The following RGS6 variants were observed in gnomAD, a reference collection of about 807,000 sequenced individuals.
RGS6 encodes the protein regulator of G-protein signaling 6.
RGS6 carries 30 observed loss-of-function variants against 78.5 expected under a neutral mutation model. The ratio of observed to expected loss-of-function variants is 0.38; its 90% CI spans 0.29 to 0.52. RGS6 has a LOEUF of 0.52. Among genes scored for constraint, RGS6 ranks in the 20% least tolerant of loss-of-function variants. The pLI is 0.85. For synonymous variants in RGS6, 206 were observed against 206.0 expected (o/e 1.00, Z 0.00); for missense variants, 495 against 609.7 (o/e 0.81, Z 1.98).
At chr14:72,341,872 G>C (rs1322626456) in intron 2 of RGS6, among the ~76,000 whole-genome samples, 1 of 151,922 alleles carries the variant, frequency 6.6e-6, no homozygotes, top group East Asian at 1.9e-4. Context: ...CTAGAGTCCA[G>C]GGTGTCCTTG....
At chr14:72,628,182 C>T in the RGS6 span, among the ~76,000 whole-genome samples, 2 of 152,106 alleles carry the variant, frequency 1.3e-5, no homozygotes, top group Admixed American at 1.3e-4. Context: ...GCATCCTCCC[C>T]TGGTTCCTAA....
intron 2 of RGS6, among the ~76,000 whole-genome samples, chr14:72,283,189 G>A (rs963615902): frequency 1.3e-5 from 2 of 152,164 alleles, no homozygotes; most frequent in African/African-American, 2.4e-5. Flanking sequence ...GAGACACTTA[G>A]GTTGTTTCTA....
At chr14:72,409,645 G>A (rs1202654127) in intron 3 of RGS6, among the ~76,000 whole-genome samples, 1 of 152,022 alleles carries the variant, frequency 6.6e-6, no homozygotes, top group Admixed American at 6.6e-5. Context: ...ACATGGCCAT[G>A]TTGGTGTGCT....
intron 2 of RGS6, among the ~76,000 whole-genome samples, chr14:72,052,926 TTTC>T (rs1318417498): frequency 4.0e-4 from 5 of 12,458 alleles, no homozygotes; most frequent in Non-Finnish European, 8.1e-4. Flanking sequence ...TCATTGTATT[TTTC>T]TTTCTTTCTT....
Position 72,540,059 on chromosome 14 carries a change from C to G in RGS6, c.1387C>G (p.Arg463Gly), listed in dbSNP as rs1478594532. Residue 463 changes from arginine to glycine, a missense_variant, in exon 17 of 18, where the codon CGT (arginine) becomes GGT (glycine). Coordinates refer to ENST00000553525, the MANE Select transcript of RGS6 (RefSeq NM_001204424.2). ...AKKKPESEQG[R>G]RTSLEKFTRS... is the part of the protein sequence containing the mutation. ...CCTAAAGCCAGAAAGTGAGCAAGGT[C>G]GTAGAACTTCCCTAGAAAAGTTCAC... is the stretch of plus-strand genomic sequence containing the variant. 2 of 1,584,598 alleles carry G rather than the reference C, an allele frequency of 1.3e-6. No homozygotes were observed.
At chr14:72,536,139 C>G (rs1258482373) in intron 15 of RGS6, 47 bp from the exon 16 acceptor site, 1 of 1,379,342 alleles carries the variant, frequency 7.2e-7, no homozygotes, top group Admixed American at 1.7e-5. Flanking sequence ...TTCTTTAGCA[C>G]TGGTTGACAG....
upstream of RGS6, among the ~76,000 whole-genome samples, chr14:71,928,540 A>G (rs2087752109): frequency 2.0e-5 from 3 of 152,198 alleles, no homozygotes; most frequent in Admixed American, 2.0e-4. Flanking sequence ...TCGACGCAAT[A>G]GTTTTCTACC....
rs847363 is a variant in RGS6, at chr14:72,301,846, A to G, written c.85-50249A>G. 5.6e-3 allele frequency among the ~76,000 whole-genome samples: 848 copies of G among 152,170 alleles called. 7 individuals carry two copies. The highest frequency in any genetic ancestry group is 0.013 in the South Asian group (65 of 4,816). ...CAAGTCCACTCACACTGGATTAGGG[A>G]CCCACACTACTCCAGGACAACCTTA... On this transcript the variant is annotated intron_variant, in intron 2 of 17. Coordinates refer to ENST00000553525, the MANE Select transcript of RGS6 (RefSeq NM_001204424.2).
Position 71,977,089 on chromosome 14 carries a change from GT to G in RGS6, c.84+12215del, listed in dbSNP as rs1218248290. On this transcript the variant is annotated intron_variant, in intron 2 of 17. Coordinates refer to ENST00000553525, the MANE Select transcript of RGS6 (RefSeq NM_001204424.2). ...TGAGAAGTGTCTGTTCATGTCCTTC[GT>G]CCACTTTTTGATGGGGTGGTTTGTT... Among the ~76,000 whole-genome samples, 3 of 119,840 alleles carry G rather than the reference GT, an allele frequency of 2.5e-5. 1 individual carries two copies. The highest frequency in any genetic ancestry group is 5.6e-5 in the Non-Finnish European group (3 of 53,728). The allele number at this position is 119,840 out of a possible 152,430, so 78.6% of individuals were successfully genotyped here.
intron 3 of RGS6, among the ~76,000 whole-genome samples, chr14:72,354,582 G>A (rs1034819791): frequency 2.6e-5 from 4 of 151,868 alleles, no homozygotes; most frequent in Non-Finnish European, 5.9e-5. Flanking sequence ...GTGAGCAGAG[G>A]TCACGCCACT....
At chr14:72,479,561 C>CTCCTGCTTT (rs2096322666) in intron 12 of RGS6, among the ~76,000 whole-genome samples, 1 of 152,220 alleles carries the variant, frequency 6.6e-6, no homozygotes, top group Admixed American at 6.5e-5. Context: ...ATGACTGACA[C>CTCCTGCTTT]TCCTGCTTTT....
intron 12 of RGS6, among the ~76,000 whole-genome samples, chr14:72,479,871 A>T (rs1433100310): frequency 6.6e-6 from 1 of 152,158 alleles, no homozygotes; most frequent in Admixed American, 6.5e-5. Flanking sequence ...TGAACTAGGG[A>T]CAGAAATGGC....
At chr14:72,203,016 A>C (rs2041910470) in intron 2 of RGS6, among the ~76,000 whole-genome samples, 3 of 152,094 alleles carry the variant, frequency 2.0e-5, no homozygotes, top group African/African-American at 7.2e-5. Flanking sequence ...CTGAGACTAC[A>C]GGCGCCCGCC....
chr14:72,596,178 C>T, the RGS6 span, among the ~76,000 whole-genome samples: 7 of 152,350 alleles, frequency 4.6e-5, no homozygotes, highest in African/African-American at 1.4e-4. Flanking sequence ...GCATTCCTTT[C>T]AGGCTCTAGG....
At chr14:72,418,787 G>A (rs1377356927) in intron 3 of RGS6, among the ~76,000 whole-genome samples, 5 of 152,200 alleles carry the variant, frequency 3.3e-5, no homozygotes, top group Non-Finnish European at 4.4e-5. Flanking sequence ...TCTGCTGAGA[G>A]GATGCATGTC....
intron 12 of RGS6, among the ~76,000 whole-genome samples, chr14:72,485,375 C>T (rs1411483820): frequency 6.6e-6 from 1 of 152,192 alleles, no homozygotes; most frequent in Non-Finnish European, 1.5e-5. Context: ...CTTCTCCTCT[C>T]CTACCTCTAG....
rs182333805 is a variant in RGS6, at chr14:72,393,365, T to C, written c.184+41171T>C. Among the ~76,000 whole-genome samples the C allele has an allele frequency of 5.9e-5, 9 of 152,340 alleles. No homozygotes were observed. In the East Asian group the frequency reaches 1.4e-3, roughly 23 times the overall value. ...ATCACATGCAAAGCTTTATAGCCTTTCTGATGTCCAAGCTGCCCAGAGATT... is the reference window on the plus strand; with the variant it reads ...ATCACATGCAAAGCTTTATAGCCTTCCTGATGTCCAAGCTGCCCAGAGATT... On this transcript the variant is annotated intron_variant, in intron 3 of 17. Coordinates refer to ENST00000553525, the MANE Select transcript of RGS6 (RefSeq NM_001204424.2).
intron 2 of RGS6, among the ~76,000 whole-genome samples, chr14:72,014,120 C>A (rs1346637929): frequency 2.6e-5 from 4 of 152,198 alleles, no homozygotes; most frequent in African/African-American, 9.7e-5. Flanking sequence ...TGTTGAATGA[C>A]ATGCTCTTTG....
intron 2 of RGS6, among the ~76,000 whole-genome samples, chr14:72,331,913 G>A (rs1244326444): frequency 6.6e-6 from 1 of 152,198 alleles, no homozygotes; most frequent in Non-Finnish European, 1.5e-5. Context: ...ATACAAATGT[G>A]AAATTATTCC....
Sources: gnomAD v4.1 joint callset for allele counts (sites outside exome capture counted in the v4.1 genomes callset) on GRCh38, gnomAD v4.1.1 for gene constraint, MANE v1.5 for transcripts, NCBI Gene and HGNC (gene_info 2026-07-23, HGNC 2026-07-21) for gene names.